CEP83: variants seen among roughly 807,000 people sequenced by gnomAD.
CEP83 encodes the protein centrosomal protein 83.
Under a neutral mutation model 101.9 loss-of-function variants are expected in CEP83, and 70 were observed. That is an observed-to-expected ratio of 0.69 (90% CI 0.57 to 0.84). The LOEUF is 0.84. CEP83 is among the 40% of genes least tolerant of loss of function. The probability of loss-of-function intolerance (pLI) is 0.00; values close to 1 mark genes in which losing one functional copy is unlikely to be tolerated. For synonymous variants in CEP83, 264 were observed against 267.9 expected, an observed-to-expected ratio of 0.99 and a Z score of 0.14; for missense variants, 715 against 787.2, an observed-to-expected ratio of 0.91 and a Z score of 1.10.
At chr12:94,334,155 A>C (rs1481925603) in intron 12 of CEP83, among the ~76,000 whole-genome samples, 1 of 152,192 alleles carries the variant, frequency 6.6e-6, no homozygotes, top group African/African-American at 2.4e-5. Context: ...TAAATGTGGG[A>C]AGGATCACTC....
chr12:94,296,403 C>T, the CEP83 span, among the ~76,000 whole-genome samples: 140 of 152,324 alleles, frequency 9.2e-4, 1 homozygote, highest in East Asian at 5.0e-3. Context: ...TCAGGCAGTC[C>T]TCCTGCCTTG....
chr12:94,406,942 A>C (rs539187802), intron 4 of CEP83, among the ~76,000 whole-genome samples: 26 of 152,092 alleles, frequency 1.7e-4, no homozygotes, highest in Non-Finnish European at 2.8e-4. Context: ...AAAAAAAAAA[A>C]AACAAAATTG....
intron 2 of CEP83, among the ~76,000 whole-genome samples, chr12:94,417,473 C>T (rs1225548281): frequency 6.6e-6 from 1 of 152,012 alleles, no homozygotes; most frequent in African/African-American, 2.4e-5. Flanking sequence ...TATAATATCC[C>T]AAATGTCCAA....
At chr12:94,326,254 C>T (rs1157603758) in intron 14 of CEP83, among the ~76,000 whole-genome samples, 4 of 152,190 alleles carry the variant, frequency 2.6e-5, no homozygotes, top group African/African-American at 7.2e-5. Flanking sequence ...TTGCCCAATG[C>T]ATTTCTCCCA....
chr12:94,300,165 T>C, the CEP83 span, among the ~76,000 whole-genome samples: 9 of 152,258 alleles, frequency 5.9e-5, no homozygotes, highest in South Asian at 2.1e-4. Context: ...CCCATTCTAA[T>C]AGTTGGGGAC....
At chr12:94,275,608 C>T in the CEP83 span, among the ~76,000 whole-genome samples, 2 of 86,160 alleles carry the variant, frequency 2.3e-5, 1 homozygote, top group Admixed American at 2.6e-4. Context: ...AATCCCAGCA[C>T]TTTGGGAGGC....
chr12:94,351,353 C>T (rs900733166), intron 11 of CEP83, among the ~76,000 whole-genome samples: 1 of 152,106 alleles, frequency 6.6e-6, no homozygotes, highest in Admixed American at 6.5e-5. Flanking sequence ...CACACTGGGT[C>T]CCCCCACTCC....
chr12:94,332,855 TTGTAGATTAA>T (rs2059282491), intron 13 of CEP83, among the ~76,000 whole-genome samples: 1 of 151,916 alleles, frequency 6.6e-6, no homozygotes. Flanking sequence ...GAATAATGTT[TTGTAGATTAA>T]AATAAAAACT....
Position 94,309,949 on chromosome 12 carries a change from C to G in CEP83, c.1970G>C (p.Ser657Thr). Residue 657 changes from serine (S) to threonine (T), a missense_variant, in exon 16 of 17, where the codon AGC becomes ACC. Transcript: ENST00000397809. ...VSFQSSAMVP[S>T]MELPFPPHMQ... ...ATGAGGAGGAAATGGTAGTTCCATG[C>G]TTGGAACCATGGCTGATGACTGAAA... The G allele has an allele frequency of 6.2e-7, 1 of 1,607,948 alleles. No homozygotes were observed. Among genetic ancestry groups the G allele is most frequent in the Non-Finnish European group, 8.5e-7 (1 of 1,176,666 alleles).
chr12:94,383,128 G>A (rs926817262), intron 6 of CEP83, among the ~76,000 whole-genome samples: 1 of 151,718 alleles, frequency 6.6e-6, no homozygotes, highest in Non-Finnish European at 1.5e-5. Flanking sequence ...TATAAATCTG[G>A]TATTTTTCTT....
At position 94,401,159 on chromosome 12, in the gene CEP83, T is replaced by C. The variant is rs536704241; in HGVS notation, c.418-178A>G. The C allele has an allele frequency of 1.6e-4, 46 of 294,902 alleles. No individual in the cohort carries two copies. The South Asian group carries it at 5.8e-3, about 37-fold the overall frequency. 18.3% of individuals were successfully genotyped at this position (294,902 alleles called of 1,614,324 possible). On this transcript the variant is annotated intron_variant, in intron 5 of 16. Coordinates refer to ENST00000397809, the MANE Select transcript of CEP83 (RefSeq NM_016122.3). ...AGGTCTTCATAACAAGTATCCTACA[T>C]ACAGAAGTAGTACATTCCTGAAAAG...
At chr12:94,354,994 C>A (rs1032788760) in intron 11 of CEP83, among the ~76,000 whole-genome samples, 2 of 150,138 alleles carry the variant, frequency 1.3e-5, no homozygotes, top group African/African-American at 5.0e-5. Flanking sequence ...GAGTGAGACT[C>A]CGTCTCAAAA....
chr12:94,389,957 C>G (rs1035989646), intron 6 of CEP83, among the ~76,000 whole-genome samples: 2 of 152,198 alleles, frequency 1.3e-5, no homozygotes, highest in African/African-American at 4.8e-5. Flanking sequence ...GTAAACAAAA[C>G]GGCCAGGAAG....
chr12:94,274,155 TAAAA>T, the CEP83 span, among the ~76,000 whole-genome samples: 5,410 of 44,718 alleles, frequency 0.12, 168 homozygotes, highest in East Asian at 0.17. Flanking sequence ...ACCCTGTCTC[TAAAA>T]AAAAAAAAAA....
At chr12:94,445,554 T>A (rs901752744) in intron 1 of CEP83, among the ~76,000 whole-genome samples, 1 of 152,296 alleles carries the variant, frequency 6.6e-6, no homozygotes, top group East Asian at 1.9e-4. Context: ...TGACAAGATA[T>A]ACCAGACTCA....
chr12:94,435,420 T>G (rs2065914456), intron 1 of CEP83, 93 bp from the exon 2 acceptor site: 1 of 152,122 alleles, frequency 6.6e-6, no homozygotes, highest in Non-Finnish European at 1.5e-5. Flanking sequence ...CCATTTGTCC[T>G]CTAACGATAC....
intron 6 of CEP83, among the ~76,000 whole-genome samples, chr12:94,381,702 T>C (rs1238160858): frequency 2.0e-5 from 3 of 152,128 alleles, no homozygotes; most frequent in African/African-American, 4.8e-5. Flanking sequence ...TTTAAAGATA[T>C]TGCTTTACTG....
At chr12:94,455,161 A>G (rs1274495777) in intron 1 of CEP83, among the ~76,000 whole-genome samples, 2 of 152,232 alleles carry the variant, frequency 1.3e-5, no homozygotes, top group Non-Finnish European at 2.9e-5. Flanking sequence ...TATGTGGAAA[A>G]CAATGTGAAA....
chr12:94,393,410 T>C (rs932631553), intron 6 of CEP83, among the ~76,000 whole-genome samples: 10 of 152,180 alleles, frequency 6.6e-5, no homozygotes, highest in Admixed American at 2.0e-4. Context: ...AAAAGACCTT[T>C]GACAAAATTC....
Sources: gnomAD v4.1 joint callset for allele counts (sites outside exome capture counted in the v4.1 genomes callset) on GRCh38, gnomAD v4.1.1 for gene constraint, MANE v1.5 for transcripts, NCBI Gene and HGNC (gene_info 2026-07-23, HGNC 2026-07-21) for gene names.